KAZN: variants seen among roughly 807,000 people sequenced by gnomAD.
KAZN encodes kazrin, periplakin interacting protein.
A neutral mutation model predicts 87.4 loss-of-function variants in KAZN; 40 were observed. That is an observed-to-expected ratio of 0.46 (90% CI 0.36 to 0.60). KAZN has a LOEUF of 0.60. Among genes scored for constraint, KAZN ranks in the 20% least tolerant of loss-of-function variants. The pLI is 0.00. For missense variants in KAZN, 898 were observed against 1,073.9 expected (o/e 0.84, Z 2.29); for synonymous variants, 466 against 458.3 (o/e 1.02, Z -0.22).
At chr1:14,586,525 G>GTTTTT (rs371736294) in intron 2 of KAZN, among the ~76,000 whole-genome samples, 3 of 125,226 alleles carry the variant, frequency 2.4e-5, no homozygotes, top group Non-Finnish European at 5.0e-5. Context: ...TTTCTTTCTG[G>GTTTTT]TTTTTTTTTT....
chr1:14,434,057 A>ATGT (rs142088076), intron 2 of KAZN, among the ~76,000 whole-genome samples: 5,924 of 152,212 alleles, frequency 0.039, 172 homozygotes, highest in African/African-American at 0.085. Flanking sequence ...ACATAACTTG[A>ATGT]TGTTTAAGCC....
At chr1:14,872,735 CATGG>C (rs1652275932) in intron 1 of KAZN, among the ~76,000 whole-genome samples, 2 of 152,104 alleles carry the variant, frequency 1.3e-5, no homozygotes, top group African/African-American at 4.8e-5. Flanking sequence ...GAAATTATTG[CATGG>C]ATGGATGGTT....
chr1:14,107,379 GT>G (rs1644400676), intron 1 of KAZN, among the ~76,000 whole-genome samples: 1 of 151,802 alleles, frequency 6.6e-6, no homozygotes, highest in Non-Finnish European at 1.5e-5. Flanking sequence ...TTGTTTGTTT[GT>G]TTGTTTGTTT....
chr1:14,449,897 G>A (rs955336703), intron 2 of KAZN, among the ~76,000 whole-genome samples: 4 of 152,062 alleles, frequency 2.6e-5, no homozygotes, highest in Middle Eastern at 3.2e-3. Flanking sequence ...CTGACTCTAA[G>A]TTTGAGAAAA....
At position 14,808,286 on chromosome 1, in the gene KAZN, GTTTCTTTTT is replaced by G. The variant is rs1392693210; in HGVS notation, c.227-152394_227-152386del. On this transcript the variant is annotated intron_variant, in intron 1 of 14. Transcript: ENST00000376030. ...GGAGACATTGTTCCAGATTAAAGAGGTTTCTTTTTTTTTTTTTTTTTTTTTTTGAGATGG... is the reference window on the plus strand; with the variant it reads ...GGAGACATTGTTCCAGATTAAAGAGGTTTTTTTTTTTTTTTTTTGAGATGG... 4.3e-5 allele frequency among the ~76,000 whole-genome samples: 5 copies of G among 115,954 alleles called. No individual in the cohort carries two copies. The Admixed American group carries it at 5.1e-4, about 12-fold the overall frequency. The allele number at this position is 115,954 out of a possible 152,430, so 76.1% of individuals were successfully genotyped here.
intron 1 of KAZN, among the ~76,000 whole-genome samples, chr1:14,050,122 A>G (rs555462812): frequency 1.5e-3 from 138 of 92,998 alleles, no homozygotes; most frequent in African/African-American, 6.8e-3. Flanking sequence ...GTGTGTGGGC[A>G]TGCATGTGCA....
chr1:14,243,117 CT>C lies in KAZN; in HGVS notation c.249+62526del, dbSNP rs1649128387. On this transcript the variant is annotated intron_variant, in intron 2 of 16. Transcript: ENST00000636203. ...ACTCAAGAAACGTCCCTCCTTGCCC[CT>C]CCACCATGCCACTACACACACACAT... Among the ~76,000 whole-genome samples the C allele has an allele frequency of 4.6e-5, 7 of 152,308 alleles. No individual in the cohort carries two copies. In the South Asian group the frequency reaches 1.5e-3, roughly 32 times the overall value.
At chr1:14,590,021 G>A (rs923476978) in intron 2 of KAZN, among the ~76,000 whole-genome samples, 3 of 151,974 alleles carry the variant, frequency 2.0e-5, no homozygotes, top group Non-Finnish European at 4.4e-5. Flanking sequence ...GGCGATAAAG[G>A]CGTCCTGAGA....
chr1:14,908,976 C>A lies in KAZN; in HGVS notation c.227-51708C>A, dbSNP rs192917080. On this transcript the variant is annotated intron_variant, in intron 1 of 14. Transcript: ENST00000376030. ...CCAGCCTGGGTGACAGGGCGAGACT[C>A]CATCTCAAAAAAAAAAAGAGCATGT... 3.2e-3 allele frequency among the ~76,000 whole-genome samples: 481 copies of A among 152,028 alleles called. 3 individuals are homozygous for A. Among genetic ancestry groups the A allele is most frequent in the Middle Eastern group, 0.014 (4 of 294 alleles).
intron 1 of KAZN, among the ~76,000 whole-genome samples, chr1:14,838,953 T>C: frequency 6.6e-6 from 1 of 152,124 alleles, no homozygotes; most frequent in Non-Finnish European, 1.5e-5. Flanking sequence ...GGTTTGCACT[T>C]TATCCACCTG....
In KAZN at chr1:14,129,450, T is replaced by A. The variant is rs574459392; in HGVS notation, c.92-50985T>A. Among the ~76,000 whole-genome samples, 6 of 152,338 alleles carry A rather than the reference T, an allele frequency of 3.9e-5. No individual in the cohort carries two copies. In the East Asian group the frequency reaches 1.2e-3, roughly 29 times the overall value. ...AAGCATCAGGCCTAATTAAATGGGA[T>A]GTGAAAGGCCAAACTGCCCTGTGCC... On this transcript the variant is annotated intron_variant, in intron 1 of 16. Transcript: ENST00000636203.
intron 1 of KAZN, among the ~76,000 whole-genome samples, chr1:14,082,376 A>G (rs971808192): frequency 1.3e-5 from 2 of 152,182 alleles, no homozygotes; most frequent in Admixed American, 6.5e-5. Context: ...AAGATAGTCC[A>G]GGCAAGGGGG....
At chr1:14,489,745 TAATAATAATA>T (rs915687707) in intron 2 of KAZN, among the ~76,000 whole-genome samples, 1 of 146,876 alleles carries the variant, frequency 6.8e-6, no homozygotes, top group Admixed American at 6.8e-5. Flanking sequence ...AAAATAATAA[TAATAATAATA>T]ATAATAATAA....
rs1557586453 is a variant in KAZN at position 14,883,360 on chromosome 1, A to G, written c.227-77324A>G. Among the ~76,000 whole-genome samples, 3 of 43,956 alleles carry G rather than the reference A, an allele frequency of 6.8e-5. 1 individual carries two copies. Among genetic ancestry groups the G allele is most frequent in the Non-Finnish European group, 9.5e-5 (2 of 21,038 alleles). The allele number at this position is 43,956 out of a possible 152,430, so 28.8% of individuals were successfully genotyped here. On this transcript the variant is annotated intron_variant, in intron 1 of 14. Transcript: ENST00000376030. Reference sequence around the variant, plus strand: ...AGAGAGAGAAAGAAAGAAAGAAAAGAAAGAAAGAAAGAAAGAAAGAAAGAA... The same window carrying G: ...AGAGAGAGAAAGAAAGAAAGAAAAGGAAGAAAGAAAGAAAGAAAGAAAGAA...
intron 1 of KAZN, among the ~76,000 whole-genome samples, chr1:14,785,153 A>T (rs1449925967): frequency 6.6e-6 from 1 of 152,022 alleles, no homozygotes; most frequent in East Asian, 1.9e-4. Context: ...TTAAGTAGAA[A>T]AGGGGATTTA....
chr1:14,089,238 A>G (rs190798398), intron 1 of KAZN, among the ~76,000 whole-genome samples: 86 of 152,134 alleles, frequency 5.7e-4, no homozygotes, highest in African/African-American at 2.0e-3. Context: ...GTTTTATCCA[A>G]TCTGACAATC....
intron 2 of KAZN, among the ~76,000 whole-genome samples, chr1:15,002,774 G>C (rs140393227): frequency 6.6e-6 from 1 of 151,884 alleles, no homozygotes; most frequent in African/African-American, 2.4e-5. Flanking sequence ...TCAGGAGTTC[G>C]AGACCAGCCT....
chr1:14,161,632 G>A (rs952956833), intron 1 of KAZN, among the ~76,000 whole-genome samples: 2 of 152,328 alleles, frequency 1.3e-5, no homozygotes, highest in Admixed American at 1.3e-4. Flanking sequence ...GGTTACACAG[G>A]TTGGCCCTAT....
At chr1:14,101,104 C>T (rs985983720) in intron 1 of KAZN, among the ~76,000 whole-genome samples, 22 of 152,152 alleles carry the variant, frequency 1.4e-4, no homozygotes, top group African/African-American at 4.1e-4. Context: ...TTATCAGCAG[C>T]GTGAAAATGG....
Sources: allele counts gnomAD v4.1 joint callset (sites outside exome capture counted in the v4.1 genomes callset), GRCh38; gene constraint gnomAD v4.1.1; transcripts MANE v1.5; gene names NCBI Gene and HGNC (gene_info 2026-07-23, HGNC 2026-07-21).